The following COL13A1 variants were observed in gnomAD, a reference collection of about 807,000 sequenced individuals.
COL13A1 encodes collagen alpha-1(XIII) chain.
In COL13A1, 89 loss-of-function variants were observed where a neutral mutation model predicts 130.9. That is an observed-to-expected ratio of 0.68 (90% CI 0.57 to 0.81). COL13A1 has a LOEUF of 0.81. Ranked by LOEUF, COL13A1 falls within the 30% of genes least tolerant of loss-of-function variation. The pLI, the probability that COL13A1 is intolerant of heterozygous loss-of-function variation, is 0.00. For synonymous variants in COL13A1, 402 were observed against 341.6 expected (o/e 1.18, Z -1.95); for missense variants, 879 against 934.6 (o/e 0.94, Z 0.78).
At position 69,917,323 on chromosome 10, in the gene COL13A1, A is replaced by G. The variant is rs1282873858; in HGVS notation, c.956A>G (p.His319Arg). 6.2e-7 allele frequency: 1 copy of G among 1,613,388 alleles called. No individual in the cohort carries two copies. The highest frequency in any genetic ancestry group is 8.5e-7 in the Non-Finnish European group (1 of 1,179,692). Residue 319 changes from histidine (H) to arginine (R), a missense_variant, in exon 18 of 41, where the codon CAT becomes CGT. His to Arg is a conservative substitution (Grantham distance 29). Transcript: ENST00000645393. ...ERGMPGMPGKHGAKGAPGIAV... is the reference protein window; with the variant it reads ...ERGMPGMPGKRGAKGAPGIAV... Reference sequence around the variant, plus strand: ...GGCATGCCAGGGATGCCAGGCAAGCATGGAGCCAAGGTACCTCCCCCTTCC... The same window carrying G: ...GGCATGCCAGGGATGCCAGGCAAGCGTGGAGCCAAGGTACCTCCCCCTTCC...
intron 27 of COL13A1, 50 bp downstream of exon 27, chr10:69,927,160 G>A (rs1400384769): frequency 6.2e-7 from 1 of 1,609,436 alleles, no homozygotes; most frequent in Non-Finnish European, 8.5e-7. Context: ...GGGGGGGCTG[G>A]GGATGGCAGC....
chr10:69,857,490 C>T (rs1050782630), intron 2 of COL13A1, among the ~76,000 whole-genome samples: 2 of 152,230 alleles, frequency 1.3e-5, no homozygotes, highest in African/African-American at 4.8e-5. Flanking sequence ...CTGAGCTCTG[C>T]TCCCCATCAG....
intron 2 of COL13A1, among the ~76,000 whole-genome samples, chr10:69,863,769 G>C (rs1413279001): frequency 1.3e-5 from 2 of 152,166 alleles, no homozygotes; most frequent in South Asian, 4.1e-4. Flanking sequence ...CTACCATATG[G>C]AAATAAAAGT....
intron 39 of COL13A1, chr10:69,955,023 C>T (rs979493820): frequency 7.2e-5 from 11 of 152,378 alleles, no homozygotes; most frequent in African/African-American, 2.6e-4. Flanking sequence ...TTACAGCTCT[C>T]CCCAAATTTC....
rs762513622 is a variant in COL13A1 at position 69,850,366 on chromosome 10, C to T, written c.365-17432C>T. On this transcript the variant is annotated intron_variant, in intron 2 of 40. Coordinates refer to ENST00000645393, the MANE Select transcript of COL13A1 (RefSeq NM_001368882.1). ...AGGAAGTTGGGTTCTTTCAAAGCCTCGGCCCTGTCTCTAGTGGGATGAGGA... is the reference window on the plus strand; with the variant it reads ...AGGAAGTTGGGTTCTTTCAAAGCCTTGGCCCTGTCTCTAGTGGGATGAGGA... Among the ~76,000 whole-genome samples, 50 of 140,854 alleles carry T rather than the reference C, an allele frequency of 3.5e-4. 3 individuals carry two copies. The highest frequency in any genetic ancestry group is 9.7e-4 in the African/African-American group (36 of 37,278). 92.4% of individuals were successfully genotyped at this position (140,854 alleles called of 152,430 possible).
chr10:69,844,059 A>G (rs1007570754), intron 2 of COL13A1, among the ~76,000 whole-genome samples: 1 of 152,208 alleles, frequency 6.6e-6, no homozygotes, highest in African/African-American at 2.4e-5. Context: ...GAGTCAGAAG[A>G]AAAAGAAAAG....
chr10:69,928,871 C>T (rs1001348833), intron 27 of COL13A1, 66 bp from the exon 28 acceptor site: 1 of 1,221,014 alleles, frequency 8.2e-7, no homozygotes, highest in Non-Finnish European at 1.2e-6. Flanking sequence ...CACATATAGC[C>T]CTCAGGGCAC....
chr10:69,866,432 G>A (rs1288323072), intron 2 of COL13A1, among the ~76,000 whole-genome samples: 1 of 152,234 alleles, frequency 6.6e-6, no homozygotes, highest in Admixed American at 6.5e-5. Flanking sequence ...TGCTTCTCAT[G>A]CAGAGGACAT....
At chr10:69,926,822 G>A (rs1741999634) in intron 26 of COL13A1, among the ~76,000 whole-genome samples, 1 of 152,168 alleles carries the variant, frequency 6.6e-6, no homozygotes, top group South Asian at 2.1e-4. Flanking sequence ...TTTAGGGTGT[G>A]CCTGAGTCCA....
chr10:69,810,302 C>T (rs1231208310), intron 1 of COL13A1, among the ~76,000 whole-genome samples: 2 of 150,980 alleles, frequency 1.3e-5, no homozygotes, highest in African/African-American at 2.4e-5. Context: ...TAACGAGCTC[C>T]TCGGGTGATC....
At chr10:69,946,268 T>C (rs554421431) in intron 37 of COL13A1, among the ~76,000 whole-genome samples, 1 of 152,298 alleles carries the variant, frequency 6.6e-6, no homozygotes, top group South Asian at 2.1e-4. Context: ...TGTAATGGGA[T>C]GTAGCCCCTC....
chr10:69,927,352 TCAC>T (rs1441417804), intron 27 of COL13A1, among the ~76,000 whole-genome samples: 1 of 152,186 alleles, frequency 6.6e-6, no homozygotes, highest in East Asian at 1.9e-4. Flanking sequence ...TAAAGGCTCT[TCAC>T]CAATACAGCT....
intron 37 of COL13A1, 37 bp downstream of exon 37, chr10:69,945,761 C>A: frequency 6.3e-7 from 1 of 1,592,662 alleles, no homozygotes; most frequent in Admixed American, 1.8e-5. Flanking sequence ...TCTCCTCCCA[C>A]CCCTGCCCCC....
chr10:69,841,878 G>A (rs995933923), intron 2 of COL13A1, among the ~76,000 whole-genome samples: 2 of 152,178 alleles, frequency 1.3e-5, no homozygotes, highest in Non-Finnish European at 2.9e-5. Context: ...CCTGGGCAGG[G>A]AGCTTCGGGA....
At position 69,802,146 on chromosome 10, in the gene COL13A1, C is replaced by T. The variant is rs550773310; in HGVS notation, c.-278C>T. 9 of 401,252 alleles carry T rather than the reference C, an allele frequency of 2.2e-5. No individual in the cohort carries two copies. Among genetic ancestry groups the T allele is most frequent in the Middle Eastern group, 6.5e-4 (1 of 1,528 alleles). 24.9% of individuals were successfully genotyped at this position (401,252 alleles called of 1,614,324 possible). ...AAGACTGGGCGGAGAGAAGGAGAGC[C>T]GGTCAGATTCCCCTAACTTTCCTGG... On this transcript the variant is annotated 5_prime_UTR_variant, in exon 1 of 41. Coordinates refer to ENST00000645393, the MANE Select transcript of COL13A1 (RefSeq NM_001368882.1).
intron 32 of COL13A1, among the ~76,000 whole-genome samples, chr10:69,935,740 C>T (rs752956165): frequency 3.9e-5 from 6 of 152,282 alleles, no homozygotes; most frequent in Non-Finnish European, 8.8e-5. Context: ...CACAGTGGCT[C>T]ACGCCCGTGA....
intron 13 of COL13A1, 145 bp downstream of exon 13, chr10:69,895,721 C>CA: frequency 9.1e-6 from 8 of 876,836 alleles, no homozygotes; most frequent in Non-Finnish European, 1.5e-5. Context: ...ACTCAGCAGT[C>CA]AGAGAGGGGA....
At chr10:69,845,350 G>A (rs907334000) in intron 2 of COL13A1, among the ~76,000 whole-genome samples, 2 of 151,788 alleles carry the variant, frequency 1.3e-5, no homozygotes, top group Non-Finnish European at 2.9e-5. Flanking sequence ...CCACCACCAC[G>A]CCTGGCTAAT....
chr10:69,811,235 G>GT (rs1842971599), intron 1 of COL13A1, among the ~76,000 whole-genome samples: 1 of 152,118 alleles, frequency 6.6e-6, no homozygotes, highest in Admixed American at 6.5e-5. Flanking sequence ...AGGCGCTTCG[G>GT]TTTTTTATCC....
Sources: allele counts gnomAD v4.1 joint callset (sites outside exome capture counted in the v4.1 genomes callset), GRCh38; gene constraint gnomAD v4.1.1; transcripts MANE v1.5; gene names NCBI Gene and HGNC (gene_info 2026-07-23, HGNC 2026-07-21).